Variants in EEF2K observed in about 807,000 individuals in gnomAD.
EEF2K encodes alternative protein EEF2K.
A neutral mutation model predicts 93.8 loss-of-function variants in EEF2K; 70 were observed. The ratio of observed to expected loss-of-function variants is 0.75; its 90% CI spans 0.62 to 0.91. The LOEUF is 0.91. Among genes scored for constraint, EEF2K ranks in the 40% least tolerant of loss-of-function variants. The pLI is 0.00. For missense variants in EEF2K, 935 were observed against 972.9 expected, an observed-to-expected ratio of 0.96 and a Z score of 0.52; for synonymous variants, 376 against 380.8, an observed-to-expected ratio of 0.99 and a Z score of 0.15.
At chr16:22,207,865 G>A (rs907268191) in intron 1 of EEF2K, among the ~76,000 whole-genome samples, 2 of 152,108 alleles carry the variant, frequency 1.3e-5, no homozygotes, top group African/African-American at 4.8e-5. Flanking sequence ...AAGGGGAGAG[G>A]GTTATGGGGG....
Position 22,251,347 on chromosome 16 carries a change from C to T in EEF2K, c.618+25C>T, listed in dbSNP as rs558121142. On this transcript the variant is annotated intron_variant, in intron 6 of 17. Transcript: ENST00000263026. ...GGTGCGTGGCCCCACTACCTGCCCCCTTTCCATGCCAGGGCAGCTGGGCAC... is the reference window on the plus strand; with the variant it reads ...GGTGCGTGGCCCCACTACCTGCCCCTTTTCCATGCCAGGGCAGCTGGGCAC... 9 of 1,611,866 alleles carry T rather than the reference C, an allele frequency of 5.6e-6. No homozygotes were observed. In the Admixed American group the frequency reaches 1.0e-4, roughly 18 times the overall value.
intron 10 of EEF2K, 176 bp downstream of exon 10, chr16:22,258,871 C>A: frequency 2.6e-6 from 2 of 761,610 alleles, no homozygotes; most frequent in South Asian, 2.0e-5. Context: ...CATCCAAATG[C>A]TATAAAAACA....
intron 2 of EEF2K, among the ~76,000 whole-genome samples, chr16:22,230,556 C>T (rs2047105499): frequency 6.6e-6 from 1 of 152,022 alleles, no homozygotes; most frequent in South Asian, 2.1e-4. Context: ...CGGTCTTACT[C>T]TGTCACCCAG....
intron 1 of EEF2K, among the ~76,000 whole-genome samples, chr16:22,217,120 C>A (rs2046964544): frequency 7.1e-6 from 1 of 141,692 alleles, no homozygotes. Flanking sequence ...AAGATTGCGC[C>A]ACTGGACTCC....
At chr16:22,206,874 G>A (rs984449630) in intron 1 of EEF2K, among the ~76,000 whole-genome samples, 195 bp downstream of exon 1, 2 of 152,210 alleles carry the variant, frequency 1.3e-5, no homozygotes, top group Non-Finnish European at 2.9e-5. Flanking sequence ...TGCTTGCTTT[G>A]GAGAAATGGG....
chr16:22,276,951 G>T (rs2047643383), intron 16 of EEF2K, among the ~76,000 whole-genome samples: 1 of 152,076 alleles, frequency 6.6e-6, no homozygotes, highest in Non-Finnish European at 1.5e-5. Flanking sequence ...AGCTACTTCA[G>T]CTACTTGGGA....
chr16:22,216,860 ATAAAT>A (rs1288480761), intron 1 of EEF2K, among the ~76,000 whole-genome samples: 2 of 152,088 alleles, frequency 1.3e-5, no homozygotes, highest in Non-Finnish European at 2.9e-5. Flanking sequence ...ATGAAAATAG[ATAAAT>A]TAAGAAATAA....
intron 15 of EEF2K, among the ~76,000 whole-genome samples, chr16:22,271,337 G>C (rs2047579721): frequency 6.6e-6 from 1 of 152,020 alleles, no homozygotes. Context: ...TTGACTCTTG[G>C]AGGTGGGAAG....
chr16:22,234,634 T>C (rs2141658326), intron 2 of EEF2K, among the ~76,000 whole-genome samples: 1 of 152,130 alleles, frequency 6.6e-6, no homozygotes, highest in East Asian at 1.9e-4. Flanking sequence ...AGCCTTTGAG[T>C]ATATTCATAA....
In EEF2K at chr16:22,249,784, A is replaced by ATTTT. The variant is rs879736735; in HGVS notation, c.409-860_409-857dup. ...CGTCACACCCAGTCAATTTTTAAAA[A>ATTTT]TTTTTTTTTTTTTGGAGATAGAGTT... On this transcript the variant is annotated intron_variant, in intron 4 of 17. Transcript: ENST00000263026. Among the ~76,000 whole-genome samples, 5 of 143,916 alleles carry ATTTT rather than the reference A, an allele frequency of 3.5e-5. No homozygotes were observed. The East Asian group carries it at 1.0e-3, about 29-fold the overall frequency. The allele number at this position is 143,916 out of a possible 152,430, so 94.4% of individuals were successfully genotyped here.
At chr16:22,281,389 GC>G (rs2047691859) in intron 17 of EEF2K, among the ~76,000 whole-genome samples, 1 of 152,004 alleles carries the variant, frequency 6.6e-6, no homozygotes, top group Non-Finnish European at 1.5e-5. Context: ...ACAGGCACTT[GC>G]TTCCACACCC....
chr16:22,250,723 G>T, intron 5 of EEF2K, 32 bp downstream of exon 5: 1 of 1,613,952 alleles, frequency 6.2e-7, no homozygotes, highest in Non-Finnish European at 8.5e-7. Flanking sequence ...TTGGGGCCCT[G>T]CCCAGAGTCC....
At chr16:22,219,233 A>G (rs1471981365) in intron 1 of EEF2K, among the ~76,000 whole-genome samples, 1 of 152,218 alleles carries the variant, frequency 6.6e-6, no homozygotes, top group Non-Finnish European at 1.5e-5. Flanking sequence ...CCAGGTACCC[A>G]GTCTTCATGT....
chr16:22,271,714 A>G lies in EEF2K; in HGVS notation c.1765-1912A>G, dbSNP rs2047584163. On this transcript the variant is annotated intron_variant, in intron 15 of 17. Transcript: ENST00000263026. ...ATCAAGACCCTGTCTCAAAAAAAAAAACAAGAAAAAATAATATGTGGTATA... is the reference window on the plus strand; with the variant it reads ...ATCAAGACCCTGTCTCAAAAAAAAAGACAAGAAAAAATAATATGTGGTATA... Among the ~76,000 whole-genome samples, 2 of 152,216 alleles carry G rather than the reference A, an allele frequency of 1.3e-5. 1 individual carries two copies. Among genetic ancestry groups the G allele is most frequent in the South Asian group, 4.1e-4 (2 of 4,828 alleles).
chr16:22,247,117 T>C (rs553218071), intron 3 of EEF2K, among the ~76,000 whole-genome samples: 1 of 146,206 alleles, frequency 6.8e-6, no homozygotes, highest in Non-Finnish European at 1.5e-5. Flanking sequence ...CTAGAACCCC[T>C]TTTTCCCAAA....
intron 7 of EEF2K, 139 bp from the exon 8 acceptor site, chr16:22,257,114 A>T (rs1417526624): frequency 4.1e-6 from 6 of 1,462,968 alleles, no homozygotes; most frequent in Non-Finnish European, 4.6e-6. Flanking sequence ...GCCCAACTGA[A>T]GAGGCCTTTT....
chr16:22,265,342 A>C, intron 13 of EEF2K: 1 of 157,078 alleles, frequency 6.4e-6, no homozygotes, highest in Non-Finnish European at 1.4e-5. Flanking sequence ...TGCCCCACCC[A>C]CCCCTCTAAG....
chr16:22,229,336 G>A (rs949741820), intron 2 of EEF2K, among the ~76,000 whole-genome samples: 1 of 152,194 alleles, frequency 6.6e-6, no homozygotes, highest in Admixed American at 6.6e-5. Flanking sequence ...ACTTTTTAGA[G>A]TTGGACATCC....
intron 1 of EEF2K, among the ~76,000 whole-genome samples, chr16:22,221,392 T>C (rs1469064818): frequency 1.3e-5 from 2 of 152,028 alleles, no homozygotes; most frequent in Admixed American, 1.3e-4. Flanking sequence ...GAGGATCACC[T>C]GAACCCAGCT....
Sources: allele counts gnomAD v4.1 joint callset (sites outside exome capture counted in the v4.1 genomes callset), GRCh38; gene constraint gnomAD v4.1.1; transcripts MANE v1.5; gene names NCBI Gene and HGNC (gene_info 2026-07-23, HGNC 2026-07-21).